MYO3B: variants seen among roughly 807,000 people sequenced by gnomAD.
The protein encoded by MYO3B is myosin IIIB, also known as myosin-IIIb.
Under a neutral mutation model 174.6 loss-of-function variants are expected in MYO3B, and 156 were observed. That is an observed-to-expected ratio of 0.89 (90% CI 0.78 to 1.02). The LOEUF (loss-of-function observed/expected upper bound fraction) is 1.02, where lower values mean the gene tolerates loss of function less well. MYO3B is among the 50% of genes least tolerant of loss of function. The pLI, the probability that MYO3B is intolerant of heterozygous loss-of-function variation, is 0.00. For missense variants in MYO3B, 1,632 were observed against 1,639.4 expected, an observed-to-expected ratio of 1.00 and a Z score of 0.08; for synonymous variants, 563 against 569.1, an observed-to-expected ratio of 0.99 and a Z score of 0.15.
At chr2:170,221,389 T>C (rs2092899061) in intron 6 of MYO3B, among the ~76,000 whole-genome samples, 1 of 152,124 alleles carries the variant, frequency 6.6e-6, no homozygotes, top group African/African-American at 2.4e-5. Flanking sequence ...CTTGAGTAAG[T>C]GTAATATTTA....
intron 32 of MYO3B, among the ~76,000 whole-genome samples, chr2:170,631,572 G>C (rs113656034): frequency 0.062 from 9,455 of 151,472 alleles, 1,025 homozygotes; most frequent in African/African-American, 0.22. Context: ...AGATACTCCT[G>C]GAGAAGAGCA....
At chr2:170,406,484 T>G (rs2094509863) in intron 21 of MYO3B, among the ~76,000 whole-genome samples, 1 of 152,240 alleles carries the variant, frequency 6.6e-6, no homozygotes, top group Non-Finnish European at 1.5e-5. Context: ...GTATCTATTT[T>G]GGATCTTTGT....
At chr2:170,367,562 C>G (rs971516127) in intron 8 of MYO3B, among the ~76,000 whole-genome samples, 2 of 152,118 alleles carry the variant, frequency 1.3e-5, no homozygotes, top group African/African-American at 2.4e-5. Flanking sequence ...TACACTATTC[C>G]TAATGCTAGG....
chr2:170,623,903 G>A (rs1696160405), intron 32 of MYO3B, among the ~76,000 whole-genome samples: 2 of 150,722 alleles, frequency 1.3e-5, no homozygotes, highest in South Asian at 4.2e-4. Context: ...TATTATTTCT[G>A]AGGCCTCTGT....
chr2:170,479,544 T>C (rs1685546576), intron 25 of MYO3B, among the ~76,000 whole-genome samples: 1 of 146,154 alleles, frequency 6.8e-6, no homozygotes, highest in Non-Finnish European at 1.5e-5. Flanking sequence ...GTATTTTATA[T>C]ATATTTTATA....
intron 23 of MYO3B, among the ~76,000 whole-genome samples, chr2:170,444,750 G>T (rs540772883): frequency 1.5e-4 from 23 of 152,084 alleles, no homozygotes; most frequent in African/African-American, 5.3e-4. Context: ...AGACTTATTT[G>T]CAGAGTGGGA....
chr2:170,370,078 A>G (rs538259852), intron 9 of MYO3B, among the ~76,000 whole-genome samples: 23 of 152,236 alleles, frequency 1.5e-4, no homozygotes, highest in Admixed American at 6.5e-4. Flanking sequence ...TAGATCTTCA[A>G]TTTCTGTCCA....
intron 32 of MYO3B, among the ~76,000 whole-genome samples, chr2:170,560,658 G>C (rs1247913761): frequency 6.6e-6 from 1 of 152,194 alleles, no homozygotes; most frequent in Non-Finnish European, 1.5e-5. Context: ...CTTAGGGGAT[G>C]AGTTTACACA....
chr2:170,383,769 A>C lies in MYO3B; in HGVS notation c.1245A>C (p.Ser415=). The part of the protein sequence containing the change: ...RASNPPHIFA[S]ADAAYQCMVT... The stretch of plus-strand genomic sequence containing the variant: ...CCAATCCCCCCCACATATTTGCATC[A>C]GCAGATGCTGCTTACCAGTGCATGG... Residue 415 remains serine (S), a synonymous_variant, in exon 12 of 35, where the codon TCA becomes TCC. Coordinates refer to ENST00000408978, the MANE Select transcript of MYO3B (RefSeq NM_138995.5). 2 of 1,613,820 alleles carry C rather than the reference A, an allele frequency of 1.2e-6. No individual in the cohort carries two copies. The highest frequency in any genetic ancestry group is 1.7e-6 in the Non-Finnish European group (2 of 1,179,754).
rs1699174839 is a variant in MYO3B, at chr2:170,654,391, A to C, written c.*1270A>C. ...GGTGGCTCAGGCCTGTAATCCCAGC[A>C]CTTTGGGAGGCCAAGATGGGCGGAT... is the stretch of plus-strand genomic sequence containing the variant. On this transcript the variant is annotated 3_prime_UTR_variant, in exon 35 of 35. Transcript: ENST00000408978. 6.6e-6 allele frequency: 1 copy of C among 152,134 alleles called. No homozygotes were observed. The highest frequency in any genetic ancestry group is 2.4e-5 in the African/African-American group (1 of 41,426). 9.4% of individuals were successfully genotyped at this position (152,134 alleles called of 1,614,324 possible).
chr2:170,633,753 G>A (rs541522490), intron 32 of MYO3B, among the ~76,000 whole-genome samples: 21 of 152,274 alleles, frequency 1.4e-4, no homozygotes, highest in African/African-American at 5.1e-4. Flanking sequence ...AAGCTAATAA[G>A]GAACTTCAGC....
intron 30 of MYO3B, among the ~76,000 whole-genome samples, chr2:170,525,819 G>A (rs561329335): frequency 4.6e-5 from 7 of 152,206 alleles, no homozygotes; most frequent in East Asian, 3.8e-4. Flanking sequence ...ATTTTCATGT[G>A]GGCTGTGAAG....
rs143717319 is a variant in MYO3B, at chr2:170,397,141, A to C, written c.1792-3047A>C. On this transcript the variant is annotated intron_variant, in intron 16 of 34. Coordinates refer to ENST00000408978, the MANE Select transcript of MYO3B (RefSeq NM_138995.5). ...TGGGTGATTAAACAATGATTCTTAAAGTAAAAAAAAATGACATATTGCCTT... is the reference window on the plus strand; with the variant it reads ...TGGGTGATTAAACAATGATTCTTAACGTAAAAAAAAATGACATATTGCCTT... Among the ~76,000 whole-genome samples, 218 of 152,330 alleles carry C rather than the reference A, an allele frequency of 1.4e-3. 1 individual carries two copies. Among genetic ancestry groups the C allele is most frequent in the Admixed American group, 3.8e-3 (58 of 15,310 alleles).
intron 7 of MYO3B, among the ~76,000 whole-genome samples, chr2:170,303,500 G>A (rs2093679666): frequency 6.6e-6 from 1 of 152,038 alleles, no homozygotes; most frequent in South Asian, 2.1e-4. Flanking sequence ...TTGAAGTTCA[G>A]GGGTACATGG....
chr2:170,544,077 G>A, intron 32 of MYO3B, 89 bp downstream of exon 32: 2 of 1,030,562 alleles, frequency 1.9e-6, no homozygotes, highest in South Asian at 2.9e-5. Context: ...GACTCAATTA[G>A]ATAGTAATAT....
chr2:170,187,961 C>T (rs1361192500), intron 1 of MYO3B, among the ~76,000 whole-genome samples: 2 of 152,256 alleles, frequency 1.3e-5, no homozygotes, highest in East Asian at 3.9e-4. Context: ...ATGAAATGTT[C>T]TGTAACTATC....
At chr2:170,215,554 T>C (rs903356448) in intron 5 of MYO3B, among the ~76,000 whole-genome samples, 4 of 152,230 alleles carry the variant, frequency 2.6e-5, no homozygotes, top group African/African-American at 4.8e-5. Flanking sequence ...TGAAACACTT[T>C]AAACGTGTTT....
Position 170,443,972 on chromosome 2 carries a change from T to C in MYO3B, c.2656T>C (p.Leu886=), listed in dbSNP as rs767775404. 1.9e-6 allele frequency: 3 copies of C among 1,609,338 alleles called. No individual in the cohort carries two copies. The highest frequency in any genetic ancestry group is 1.3e-5 in the African/African-American group (1 of 75,028). ...CTTTGTGGTCTCTTTCTCAGGTAAT[T>C]TGGCCCAGACAAGAGCTAGGATAAC... ...FSIPLTKTGN[L]AQTRARITVA... Residue 886 remains leucine, a synonymous_variant, in exon 23 of 35, where the codon TTG becomes CTG. Coordinates refer to ENST00000408978, the MANE Select transcript of MYO3B (RefSeq NM_138995.5).
At chr2:170,351,526 G>A (rs1425229094) in intron 8 of MYO3B, among the ~76,000 whole-genome samples, 1 of 151,934 alleles carries the variant, frequency 6.6e-6, no homozygotes, top group African/African-American at 2.4e-5. Context: ...TAAGACCATG[G>A]GACAGCAGCA....
Sources: gnomAD v4.1 joint callset for allele counts (sites outside exome capture counted in the v4.1 genomes callset) on GRCh38, gnomAD v4.1.1 for gene constraint, MANE v1.5 for transcripts, NCBI Gene and HGNC (gene_info 2026-07-23, HGNC 2026-07-21) for gene names.